The following NALF1 variants were observed in gnomAD, a reference collection of about 807,000 sequenced individuals.
The protein encoded by NALF1 is NALCN channel auxiliary factor 1.
NALF1 carries 3 observed loss-of-function variants against 48.4 expected under a neutral mutation model. The ratio of observed to expected loss-of-function variants is 0.06; its 90% CI spans 0.03 to 0.16. The LOEUF (loss-of-function observed/expected upper bound fraction) is 0.16, where lower values mean the gene tolerates loss of function less well. Among genes scored for constraint, NALF1 ranks in the 10% least tolerant of loss-of-function variants. NALF1 has a pLI of 1.00. For synonymous variants in NALF1, 262 were observed against 245.7 expected (o/e 1.07, Z -0.62); for missense variants, 526 against 571.5 (o/e 0.92, Z 0.81).
chr13:107,768,311 G>A (rs9520577), intron 1 of NALF1, among the ~76,000 whole-genome samples: 13,929 of 152,116 alleles, frequency 0.092, 757 homozygotes, highest in East Asian at 0.17. Flanking sequence ...TATAATTGTG[G>A]CAAGTTATTT....
intron 1 of NALF1, among the ~76,000 whole-genome samples, chr13:107,716,661 A>T (rs961678383): frequency 3.3e-5 from 5 of 152,080 alleles, no homozygotes; most frequent in African/African-American, 7.2e-5. Flanking sequence ...GAGACAGGAG[A>T]TGTGACTATA....
intron 1 of NALF1, among the ~76,000 whole-genome samples, chr13:107,644,827 A>C (rs1880270315): frequency 6.6e-6 from 1 of 151,892 alleles, no homozygotes; most frequent in South Asian, 2.1e-4. Context: ...ACCACCACCC[A>C]GATCAGTGAT....
At chr13:107,678,619 T>A (rs2138492765) in intron 1 of NALF1, among the ~76,000 whole-genome samples, 1 of 152,266 alleles carries the variant, frequency 6.6e-6, no homozygotes. Flanking sequence ...GGGTAATTCA[T>A]AAAGGAAAGA....
At chr13:107,801,222 G>A (rs549755376) in intron 1 of NALF1, among the ~76,000 whole-genome samples, 2 of 152,240 alleles carry the variant, frequency 1.3e-5, no homozygotes, top group African/African-American at 2.4e-5. Flanking sequence ...AATTCTAGAC[G>A]TTCTAGATGA....
chr13:107,270,933 C>A (rs907498040), intron 1 of NALF1, among the ~76,000 whole-genome samples: 1 of 150,984 alleles, frequency 6.6e-6, no homozygotes, highest in African/African-American at 2.4e-5. Flanking sequence ...TTTGTCCTTG[C>A]GATAGTTTGC....
chr13:107,782,651 C>G (rs1421435197), intron 1 of NALF1, among the ~76,000 whole-genome samples: 1 of 151,780 alleles, frequency 6.6e-6, no homozygotes, highest in African/African-American at 2.4e-5. Flanking sequence ...AAGTGAGGAG[C>G]GTCTCTGCCC....
At chr13:107,781,679 A>T (rs1350078784) in intron 1 of NALF1, among the ~76,000 whole-genome samples, 1 of 151,350 alleles carries the variant, frequency 6.6e-6, no homozygotes, top group Non-Finnish European at 1.5e-5. Flanking sequence ...CATCCTCAGG[A>T]TCTCTTCTTT....
chr13:107,293,522 C>G (rs1881669614), intron 1 of NALF1, among the ~76,000 whole-genome samples: 1 of 152,160 alleles, frequency 6.6e-6, no homozygotes, highest in South Asian at 2.1e-4. Flanking sequence ...TTTGCCTGAT[C>G]TCCAGCATAG....
intron 1 of NALF1, among the ~76,000 whole-genome samples, chr13:107,448,309 A>G (rs1442291850): frequency 6.6e-6 from 1 of 152,156 alleles, no homozygotes; most frequent in Non-Finnish European, 1.5e-5. Flanking sequence ...CAGATATATT[A>G]AAGAGATAAT....
At chr13:107,214,243 C>G (rs1244199505) in intron 1 of NALF1, among the ~76,000 whole-genome samples, 2 of 152,042 alleles carry the variant, frequency 1.3e-5, no homozygotes, top group Admixed American at 1.3e-4. Context: ...TGTGGTGGCA[C>G]CGGGCTAGAA....
intron 1 of NALF1, among the ~76,000 whole-genome samples, chr13:107,677,152 T>A (rs1881153527): frequency 6.6e-6 from 1 of 152,230 alleles, no homozygotes; most frequent in Non-Finnish European, 1.5e-5. Context: ...GTTCAAGTGA[T>A]TCTCATGCTT....
At chr13:107,293,114 G>A (rs957127587) in intron 1 of NALF1, among the ~76,000 whole-genome samples, 10 of 150,554 alleles carry the variant, frequency 6.6e-5, no homozygotes, top group African/African-American at 2.4e-4. Flanking sequence ...CCGAGCAGCT[G>A]GGACTACAGG....
intron 1 of NALF1, among the ~76,000 whole-genome samples, chr13:107,596,683 G>A (rs1878762065): frequency 6.6e-6 from 1 of 151,992 alleles, no homozygotes; most frequent in Non-Finnish European, 1.5e-5. Context: ...GGGGGGTGGG[G>A]GACTAGGGGG....
At chr13:107,821,765 T>A (rs1208673433) in intron 1 of NALF1, among the ~76,000 whole-genome samples, 1 of 152,244 alleles carries the variant, frequency 6.6e-6, no homozygotes, top group Non-Finnish European at 1.5e-5. Context: ...TACCATTAAT[T>A]ATGTTAACAA....
At chr13:107,174,976 C>CG (rs1878890478) in intron 2 of NALF1, among the ~76,000 whole-genome samples, 1 of 149,554 alleles carries the variant, frequency 6.7e-6, no homozygotes, top group East Asian at 2.0e-4. Flanking sequence ...CTCCGCCTCC[C>CG]GGGTTCACGC....
chr13:107,398,386 C>A (rs1376003936), intron 1 of NALF1, among the ~76,000 whole-genome samples: 162 of 128,180 alleles, frequency 1.3e-3, no homozygotes, highest in Middle Eastern at 3.9e-3. Flanking sequence ...AACAAACATC[C>A]AAAAAAAAAA....
chr13:107,774,153 T>G (rs1319444117), intron 1 of NALF1, among the ~76,000 whole-genome samples: 2 of 152,176 alleles, frequency 1.3e-5, no homozygotes, highest in African/African-American at 4.8e-5. Flanking sequence ...TCCAATGGAT[T>G]TAAGAAGACT....
intron 1 of NALF1, among the ~76,000 whole-genome samples, chr13:107,465,542 C>T (rs1281523164): frequency 6.6e-6 from 1 of 152,108 alleles, no homozygotes; most frequent in Non-Finnish European, 1.5e-5. Context: ...CTGCTGTCTT[C>T]ACTGGTATAT....
intron 1 of NALF1, among the ~76,000 whole-genome samples, chr13:107,367,300 C>T (rs1883168401): frequency 6.6e-6 from 1 of 152,190 alleles, no homozygotes; most frequent in Non-Finnish European, 1.5e-5. Context: ...CCACTGATCA[C>T]TCTCATACAA....
Sources: gnomAD v4.1 joint callset for allele counts (sites outside exome capture counted in the v4.1 genomes callset) on GRCh38, gnomAD v4.1.1 for gene constraint, MANE v1.5 for transcripts, NCBI Gene and HGNC (gene_info 2026-07-23, HGNC 2026-07-21) for gene names.